The following GRIN2A variants were observed in gnomAD, a reference collection of about 807,000 sequenced individuals.
The protein encoded by GRIN2A is glutamate ionotropic receptor NMDA type subunit 2A, also known as glutamate receptor ionotropic, NMDA 2A.
GRIN2A carries 22 observed loss-of-function variants against 113.4 expected under a neutral mutation model. The ratio of observed to expected loss-of-function variants is 0.19; its 90% CI spans 0.14 to 0.28. GRIN2A has a LOEUF of 0.28. GRIN2A is among the 10% of genes least tolerant of loss of function. GRIN2A has a pLI of 1.00. For synonymous variants in GRIN2A, 827 were observed against 738.4 expected (o/e 1.12, Z -1.94); for missense variants, 1,502 against 1,887.0 (o/e 0.80, Z 3.78).
At chr16:10,068,123 C>T (rs560255981) in intron 2 of GRIN2A, among the ~76,000 whole-genome samples, 1 of 152,336 alleles carries the variant, frequency 6.6e-6, no homozygotes, top group South Asian at 2.1e-4. Flanking sequence ...CCTTGTGGTC[C>T]TCTGCTTTCC....
In GRIN2A at chr16:10,011,644, G is replaced by A. The variant is rs76990925; in HGVS notation, c.415-73093C>T. On this transcript the variant is annotated intron_variant, in intron 2 of 12. Coordinates refer to ENST00000330684, the MANE Select transcript of GRIN2A (RefSeq NM_001134407.3). ...CTCTCCTTATTCATTGCAGATGCAC[G>A]CTTTTTGCAGAGCACCCTTGAAACA... Among the ~76,000 whole-genome samples, 61 of 152,224 alleles carry A rather than the reference G, an allele frequency of 4.0e-4. No homozygotes were observed. The East Asian group carries it at 5.0e-3, about 13-fold the overall frequency.
At chr16:9,833,103 C>T (rs1428218011) in intron 8 of GRIN2A, among the ~76,000 whole-genome samples, 1 of 152,144 alleles carries the variant, frequency 6.6e-6, no homozygotes, top group Non-Finnish European at 1.5e-5. Context: ...TCTGATAACA[C>T]CCATTTAGAA....
intron 2 of GRIN2A, among the ~76,000 whole-genome samples, chr16:10,060,415 C>A (rs2047531473): frequency 6.6e-6 from 1 of 152,186 alleles, no homozygotes; most frequent in Admixed American, 6.5e-5. Context: ...TAAGGCTCAG[C>A]AAGATTCAGA....
At chr16:9,903,580 T>C (rs566673856) in intron 3 of GRIN2A, among the ~76,000 whole-genome samples, 1 of 152,210 alleles carries the variant, frequency 6.6e-6, no homozygotes, top group Non-Finnish European at 1.5e-5. Flanking sequence ...ATATTATTTT[T>C]CTGCAGCTGT....
intron 11 of GRIN2A, among the ~76,000 whole-genome samples, chr16:9,792,138 T>G (rs956272642): frequency 6.6e-6 from 1 of 152,012 alleles, no homozygotes; most frequent in Non-Finnish European, 1.5e-5. Context: ...TATGATTATA[T>G]GTACAAATAT....
chr16:9,777,935 G>A (rs1901703144), intron 11 of GRIN2A, among the ~76,000 whole-genome samples: 1 of 152,062 alleles, frequency 6.6e-6, no homozygotes, highest in South Asian at 2.1e-4. Flanking sequence ...CGTGGTCGTG[G>A]GCGCCTGTAA....
intron 12 of GRIN2A, among the ~76,000 whole-genome samples, chr16:9,767,644 G>A (rs1449199970): frequency 1.3e-5 from 2 of 152,110 alleles, no homozygotes; most frequent in African/African-American, 4.8e-5. Flanking sequence ...GCAAATAAGA[G>A]AGATGAGTGG....
chr16:9,948,184 T>G (rs1422314823), intron 2 of GRIN2A, among the ~76,000 whole-genome samples: 1 of 152,150 alleles, frequency 6.6e-6, no homozygotes, highest in Non-Finnish European at 1.5e-5. Context: ...GGACAATCAG[T>G]CGATCACACA....
intron 3 of GRIN2A, among the ~76,000 whole-genome samples, chr16:9,921,339 C>T (rs76158340): frequency 0.026 from 3,901 of 152,274 alleles, 87 homozygotes; most frequent in Middle Eastern, 0.092. Context: ...GTACCAGCTT[C>T]GCAGCATTGG....
rs891037843 is a variant in GRIN2A at position 9,761,014 on chromosome 16, T to A, written c.*2135A>T. ...GTCTTGGGGCAGCAGAGGTACAGCA[T>A]CCGGGAAATAAAATGTCATTTTCAA... On this transcript the variant is annotated 3_prime_UTR_variant, in exon 13 of 13. Transcript: ENST00000330684. The A allele has an allele frequency of 4.3e-6, 1 of 232,496 alleles. No individual in the cohort carries two copies. Among genetic ancestry groups the A allele is most frequent in the African/African-American group, 2.2e-5 (1 of 45,244 alleles). The allele number at this position is 232,496 out of a possible 1,614,324, so 14.4% of individuals were successfully genotyped here.
intron 2 of GRIN2A, among the ~76,000 whole-genome samples, chr16:10,079,985 T>C (rs1346045038): frequency 6.6e-6 from 1 of 152,224 alleles, no homozygotes; most frequent in Non-Finnish European, 1.5e-5. Flanking sequence ...GCAATGCTGC[T>C]CTCAGCGAGC....
intron 11 of GRIN2A, among the ~76,000 whole-genome samples, chr16:9,796,346 G>A (rs190867383): frequency 5.9e-5 from 9 of 152,254 alleles, no homozygotes; most frequent in Admixed American, 2.0e-4. Context: ...TTGTAATGCT[G>A]GAAATAAGAC....
chr16:9,883,003 C>T (rs564698284), intron 4 of GRIN2A, among the ~76,000 whole-genome samples: 1 of 152,212 alleles, frequency 6.6e-6, no homozygotes, highest in South Asian at 2.1e-4. Flanking sequence ...GTGAACACAG[C>T]CTTCGGGGGC....
chr16:9,858,782 G>T (rs181879939), intron 4 of GRIN2A, among the ~76,000 whole-genome samples: 53 of 152,266 alleles, frequency 3.5e-4, no homozygotes, highest in Middle Eastern at 3.4e-3. Context: ...TCCAGAAATT[G>T]TATGTCTCAA....
intron 4 of GRIN2A, among the ~76,000 whole-genome samples, chr16:9,869,182 C>T (rs2043213993): frequency 6.6e-6 from 1 of 152,184 alleles, no homozygotes; most frequent in African/African-American, 2.4e-5. Flanking sequence ...CATCTGCAAT[C>T]TCAGCACTTT....
intron 2 of GRIN2A, among the ~76,000 whole-genome samples, chr16:10,148,776 G>A (rs1281423392): frequency 6.6e-6 from 1 of 152,164 alleles, no homozygotes; most frequent in African/African-American, 2.4e-5. Context: ...GCACTCCTAT[G>A]TTTATTGCAG....
At chr16:9,779,616 A>G (rs1901822035) in intron 11 of GRIN2A, among the ~76,000 whole-genome samples, 1 of 152,214 alleles carries the variant, frequency 6.6e-6, no homozygotes, top group African/African-American at 2.4e-5. Flanking sequence ...AAGGGACCCT[A>G]TATCAGCTGT....
chr16:9,821,868 C>T (rs1322954909), intron 10 of GRIN2A, among the ~76,000 whole-genome samples: 1 of 152,192 alleles, frequency 6.6e-6, no homozygotes, highest in African/African-American at 2.4e-5. Flanking sequence ...AAAGCTCCTA[C>T]TAGCAAGCTA....
chr16:9,805,653 A>G (rs1378821997), intron 10 of GRIN2A: 1 of 152,236 alleles, frequency 6.6e-6, no homozygotes, highest in Non-Finnish European at 1.5e-5. Flanking sequence ...AAGATGGGAA[A>G]TAAATAATAA....
Sources: allele counts gnomAD v4.1 joint callset (sites outside exome capture counted in the v4.1 genomes callset), GRCh38; gene constraint gnomAD v4.1.1; transcripts MANE v1.5; gene names NCBI Gene and HGNC (gene_info 2026-07-23, HGNC 2026-07-21).